SH3BGR: variants seen among roughly 807,000 people sequenced by gnomAD.
SH3BGR encodes SH3 domain-binding glutamic acid-rich protein.
Under a neutral mutation model 24.5 loss-of-function variants are expected in SH3BGR, and 29 were observed. The ratio of observed to expected loss-of-function variants is 1.18; its 90% CI spans 0.88 to 1.61. SH3BGR has a LOEUF of 1.61. Ranked by LOEUF, SH3BGR falls within the 40% of genes most tolerant of loss-of-function variation. The pLI is 0.00. For missense variants in SH3BGR, 162 were observed against 205.8 expected (o/e 0.79, Z 1.30); for synonymous variants, 55 against 65.7 (o/e 0.84, Z 0.79).
chr21:39,510,433 C>CACACACACACACACACACTGTAGCT (rs2078664437), intron 5 of SH3BGR, among the ~76,000 whole-genome samples: 1 of 90,458 alleles, frequency 1.1e-5, no homozygotes, highest in African/African-American at 5.8e-5. Context: ...TGTAGCTACA[C>CACACACACACACACACACTGTAGCT]ACACACACAC....
At chr21:39,452,235 C>G (rs2837037) in intron 1 of SH3BGR, 94 bp downstream of exon 1, 2 of 1,451,662 alleles carry the variant, frequency 1.4e-6, no homozygotes, top group South Asian at 1.2e-5. Context: ...TTCTTTTTTG[C>G]GTGTAGTCAG....
At chr21:39,505,449 G>A (rs978177888) in intron 4 of SH3BGR, among the ~76,000 whole-genome samples, 19 of 152,128 alleles carry the variant, frequency 1.2e-4, no homozygotes, top group African/African-American at 4.3e-4. Context: ...AAGAAATTAA[G>A]GTCAATTCAG....
chr21:39,480,687 A>G (rs1385070402), intron 3 of SH3BGR, among the ~76,000 whole-genome samples: 1 of 152,206 alleles, frequency 6.6e-6, no homozygotes. Context: ...ATCGATTTCC[A>G]ATACTTCTAC....
intron 3 of SH3BGR, chr21:39,488,658 C>A: frequency 2.7e-6 from 1 of 376,544 alleles, no homozygotes; most frequent in Non-Finnish European, 5.3e-6. Context: ...AGGGCACCAT[C>A]ATGGGCGCTG....
At chr21:39,458,202 T>C (rs939530148) in intron 1 of SH3BGR, among the ~76,000 whole-genome samples, 2 of 109,378 alleles carry the variant, frequency 1.8e-5, no homozygotes, top group African/African-American at 6.1e-5. Flanking sequence ...CAAGGGGCTC[T>C]TGTGCTCTGT....
At chr21:39,468,051 C>T (rs546566218) in intron 2 of SH3BGR, among the ~76,000 whole-genome samples, 42 of 152,260 alleles carry the variant, frequency 2.8e-4, no homozygotes, top group African/African-American at 8.4e-4. Flanking sequence ...AGGTAAGGGC[C>T]GGAGTGCCTG....
chr21:39,464,551 G>A (rs540069404), intron 2 of SH3BGR, among the ~76,000 whole-genome samples: 1 of 152,282 alleles, frequency 6.6e-6, no homozygotes, highest in Admixed American at 6.5e-5. Flanking sequence ...GGGGTTCCAG[G>A]CTGACATGGA....
At chr21:39,491,501 T>A (rs896307152) in intron 3 of SH3BGR, 7 of 205,958 alleles carry the variant, frequency 3.4e-5, no homozygotes, top group African/African-American at 1.4e-4. Flanking sequence ...TTTATTTTTC[T>A]CCAGAGAATA....
intron 3 of SH3BGR, among the ~76,000 whole-genome samples, chr21:39,480,762 C>T (rs894300688): frequency 1.2e-4 from 18 of 152,198 alleles, no homozygotes; most frequent in African/African-American, 4.3e-4. Context: ...GAGTTTTACT[C>T]TAGACTTACT....
chr21:39,500,722 C>G (rs1308408733), intron 4 of SH3BGR, among the ~76,000 whole-genome samples: 1 of 152,138 alleles, frequency 6.6e-6, no homozygotes, highest in African/African-American at 2.4e-5. Context: ...TGATGGTTTG[C>G]TAATTTATTT....
At chr21:39,481,761 T>G (rs2078134182) in intron 3 of SH3BGR, among the ~76,000 whole-genome samples, 1 of 152,230 alleles carries the variant, frequency 6.6e-6, no homozygotes, top group African/African-American at 2.4e-5. Flanking sequence ...GAGTAAACTT[T>G]TTGTTGTAGG....
At chr21:39,466,068 T>C (rs2077836717) in intron 2 of SH3BGR, among the ~76,000 whole-genome samples, 1 of 152,216 alleles carries the variant, frequency 6.6e-6, no homozygotes, top group Non-Finnish European at 1.5e-5. Flanking sequence ...TATATATATG[T>C]AGGATAAATT....
chr21:39,513,103 G>A (rs1453796220), intron 6 of SH3BGR, among the ~76,000 whole-genome samples: 3 of 152,052 alleles, frequency 2.0e-5, no homozygotes, highest in African/African-American at 2.4e-5. Flanking sequence ...AGATAATGAT[G>A]GAATATGCAC....
At chr21:39,446,473 A>G (rs1356596149) in intron 1 of SH3BGR, among the ~76,000 whole-genome samples, 1 of 152,128 alleles carries the variant, frequency 6.6e-6, no homozygotes, top group Admixed American at 6.5e-5. Context: ...TTGCAGGGCC[A>G]AAGCATATGC....
chr21:39,471,347 C>T (rs1045751610), intron 2 of SH3BGR, among the ~76,000 whole-genome samples: 7 of 151,968 alleles, frequency 4.6e-5, no homozygotes, highest in South Asian at 4.1e-4. Flanking sequence ...TTTGGGAGGC[C>T]GAGGTGGGAG....
At chr21:39,461,777 A>T (rs1165237192) in intron 1 of SH3BGR, among the ~76,000 whole-genome samples, 1 of 151,690 alleles carries the variant, frequency 6.6e-6, no homozygotes, top group Non-Finnish European at 1.5e-5. Context: ...ATTACCTAGG[A>T]CTCCTATGGA....
intron 3 of SH3BGR, among the ~76,000 whole-genome samples, chr21:39,487,273 A>C (rs1015174079): frequency 6.6e-6 from 1 of 151,934 alleles, no homozygotes; most frequent in Non-Finnish European, 1.5e-5. Flanking sequence ...TTCCCTAGTA[A>C]CTGGGACCGC....
chr21:39,480,344 C>T (rs1020436065), intron 3 of SH3BGR, among the ~76,000 whole-genome samples: 1 of 152,166 alleles, frequency 6.6e-6, no homozygotes, highest in Non-Finnish European at 1.5e-5. Flanking sequence ...GCTGTCACCC[C>T]CTAATTCAGC....
chr21:39,446,077 C>G (rs1307516026), exon 1 of SH3BGR: 2 of 151,998 alleles, frequency 1.3e-5, no homozygotes, highest in Non-Finnish European at 2.9e-5. Context: ...CTCTGTCAGT[C>G]TTAGGTAACT....
Sources: allele counts gnomAD v4.1 joint callset (sites outside exome capture counted in the v4.1 genomes callset), GRCh38; gene constraint gnomAD v4.1.1; transcripts MANE v1.5; gene names NCBI Gene and HGNC (gene_info 2026-07-23, HGNC 2026-07-21).